Variants in PSD2 observed in about 807,000 individuals in gnomAD.
The protein encoded by PSD2 is pleckstrin and Sec7 domain containing 2, also known as PH and SEC7 domain-containing protein 2.
In PSD2, 38 loss-of-function variants were observed where a neutral mutation model predicts 69.8. The ratio of observed to expected loss-of-function variants is 0.54; its 90% CI spans 0.42 to 0.71. The LOEUF (loss-of-function observed/expected upper bound fraction) is 0.71. PSD2 is among the 30% of genes least tolerant of loss of function. The pLI, the probability that PSD2 is intolerant of heterozygous loss-of-function variation, is 0.00. For synonymous variants in PSD2, 412 were observed against 423.0 expected (o/e 0.97, Z 0.32); for missense variants, 943 against 1,014.5 (o/e 0.93, Z 0.96).
chr5:139,813,320 C>A lies in PSD2; in HGVS notation c.383C>A (p.Pro128His). 3 of 1,551,544 alleles carry A rather than the reference C, an allele frequency of 1.9e-6. No homozygotes were observed. Among genetic ancestry groups the A allele is most frequent in the Non-Finnish European group, 2.6e-6 (3 of 1,143,368 alleles). Residue 128 changes from proline to histidine, a missense_variant, in exon 3 of 15, where the codon CCC becomes CAC. Physicochemically the swap from Pro to His is moderately conservative, Grantham distance 77 (BLOSUM62 -2). Transcript: ENST00000274710. ...AEDPQLGLDG[P>H]GEPDVRDGFS... Reference sequence around the variant, plus strand: ...CTTGCATCCCACAGGTTGGATGGTCCCGGGGAGCCAGATGTGCGGGATGGC... The same window carrying A: ...CTTGCATCCCACAGGTTGGATGGTCACGGGGAGCCAGATGTGCGGGATGGC...
At chr5:139,745,723 A>T in the PSD2 span, among the ~76,000 whole-genome samples, 2 of 152,162 alleles carry the variant, frequency 1.3e-5, no homozygotes, top group Non-Finnish European at 2.9e-5. Flanking sequence ...CCACTTCTTG[A>T]GGCCCCGAGG....
the PSD2 span, among the ~76,000 whole-genome samples, chr5:139,755,827 CTG>C: frequency 6.6e-6 from 1 of 152,100 alleles, no homozygotes; most frequent in Non-Finnish European, 1.5e-5. Context: ...GTCTGTGTGA[CTG>C]TTTCAGGACC....
At chr5:139,809,309 T>C (rs1208152166) in intron 1 of PSD2, 82 bp from the exon 2 acceptor site, 2 of 1,100,448 alleles carry the variant, frequency 1.8e-6, no homozygotes, top group Non-Finnish European at 2.6e-6. Context: ...CAGGCTGCTC[T>C]GCCACTGGTT....
chr5:139,789,099 C>T, the PSD2 span, among the ~76,000 whole-genome samples: 1 of 152,350 alleles, frequency 6.6e-6, no homozygotes, highest in East Asian at 1.9e-4. Flanking sequence ...GCACGGTTTC[C>T]CTACTGTGGG....
chr5:139,775,485 C>G, the PSD2 span: 1 of 152,358 alleles, frequency 6.6e-6, no homozygotes, highest in African/African-American at 2.4e-5. Flanking sequence ...CCAGTGGCGT[C>G]TCATTTAATC....
chr5:139,823,522 C>G (rs1298502364), intron 7 of PSD2, among the ~76,000 whole-genome samples: 1 of 152,142 alleles, frequency 6.6e-6, no homozygotes, highest in African/African-American at 2.4e-5. Flanking sequence ...AAATCCAGGG[C>G]ATATGGGGGT....
At chr5:139,805,203 G>A (rs1422261677) in intron 1 of PSD2, among the ~76,000 whole-genome samples, 3 of 152,166 alleles carry the variant, frequency 2.0e-5, no homozygotes, top group Non-Finnish European at 4.4e-5. Flanking sequence ...CCTCCCTGGT[G>A]GGCCCCACCT....
rs760857925 is a variant in PSD2, at chr5:139,815,715, C to T, written c.1016+1351C>T. ...ACTTTTTATTATGAAAATTTCAGGC[C>T]GGGCATAGTGGCTCATGCCTGTAAT... On this transcript the variant is annotated intron_variant, in intron 4 of 14. Transcript: ENST00000274710. 1.1e-4 allele frequency among the ~76,000 whole-genome samples: 17 copies of T among 152,156 alleles called. 1 individual carries two copies. Among genetic ancestry groups the T allele is most frequent in the Admixed American group, 3.3e-4 (5 of 15,280 alleles).
chr5:139,759,291 C>G, the PSD2 span, among the ~76,000 whole-genome samples: 38 of 152,102 alleles, frequency 2.5e-4, no homozygotes, highest in Non-Finnish European at 4.6e-4. Flanking sequence ...TAATTGCCAC[C>G]GCCCGCGCGC....
intron 1 of PSD2, among the ~76,000 whole-genome samples, chr5:139,801,403 G>C (rs1408409177): frequency 6.6e-6 from 1 of 152,074 alleles, no homozygotes; most frequent in Non-Finnish European, 1.5e-5. Context: ...CAGTCTTATT[G>C]GCAGCATTTG....
At chr5:139,799,687 G>A (rs1211185562) in intron 1 of PSD2, among the ~76,000 whole-genome samples, 1 of 152,174 alleles carries the variant, frequency 6.6e-6, no homozygotes, top group Non-Finnish European at 1.5e-5. Flanking sequence ...GCACAAGACA[G>A]GGGGGACAGC....
upstream of PSD2, among the ~76,000 whole-genome samples, chr5:139,791,748 C>T (rs1253545806): frequency 6.6e-6 from 1 of 152,248 alleles, no homozygotes; most frequent in African/African-American, 2.4e-5. Context: ...CTCCATCCTT[C>T]ATGTAACCCA....
chr5:139,830,521 T>TCTTCCTTCCTTCCTTC (rs534774072), intron 7 of PSD2, among the ~76,000 whole-genome samples: 3,053 of 97,002 alleles, frequency 0.031, 129 homozygotes, highest in Middle Eastern at 0.048. Context: ...CAGCTAATTT[T>TCTTCCTTCCTTCCTTC]CTTCCTTCCT....
the PSD2 span, among the ~76,000 whole-genome samples, chr5:139,766,828 C>CTTCT: frequency 0.037 from 3,238 of 87,460 alleles, 115 homozygotes; most frequent in African/African-American, 0.071. Context: ...AAGTCCCTTC[C>CTTCT]TTCTTTCTTT....
chr5:139,803,217 C>T (rs1419703099), intron 1 of PSD2, among the ~76,000 whole-genome samples: 1 of 152,184 alleles, frequency 6.6e-6, no homozygotes, highest in Admixed American at 6.5e-5. Flanking sequence ...CCCTCTCTGG[C>T]CCCCCTCCTG....
At chr5:139,789,262 G>A in the PSD2 span, among the ~76,000 whole-genome samples, 19 of 152,296 alleles carry the variant, frequency 1.2e-4, no homozygotes, top group South Asian at 1.9e-3. Flanking sequence ...GGGTCCTTGC[G>A]CTCATGGAGT....
chr5:139,826,580 C>T (rs145150555), intron 7 of PSD2, among the ~76,000 whole-genome samples: 1,672 of 152,208 alleles, frequency 0.011, 17 homozygotes, highest in Non-Finnish European at 0.018. Context: ...ACTTCTACCA[C>T]GAAGATGAGA....
At chr5:139,789,799 C>G in the PSD2 span, among the ~76,000 whole-genome samples, 5 of 151,782 alleles carry the variant, frequency 3.3e-5, no homozygotes, top group African/African-American at 4.8e-5. Flanking sequence ...CCAGAAAGGA[C>G]AAGCATATGG....
chr5:139,799,086 T>G (rs1759601755), intron 1 of PSD2, among the ~76,000 whole-genome samples: 1 of 152,166 alleles, frequency 6.6e-6, no homozygotes, highest in African/African-American at 2.4e-5. Context: ...GGCAAGAATA[T>G]CTCATAGATG....
Sources: allele counts gnomAD v4.1 joint callset (sites outside exome capture counted in the v4.1 genomes callset), GRCh38; gene constraint gnomAD v4.1.1; transcripts MANE v1.5; gene names NCBI Gene and HGNC (gene_info 2026-07-23, HGNC 2026-07-21).